SPOCK1: variants seen among roughly 807,000 people sequenced by gnomAD.
The protein encoded by SPOCK1 is SPARC (osteonectin), cwcv and kazal like domains proteoglycan 1, also known as testican-1.
Under a neutral mutation model 55.3 loss-of-function variants are expected in SPOCK1, and 23 were observed. The observed-to-expected ratio is 0.42, with a 90% CI of 0.30 to 0.59. SPOCK1 has a LOEUF of 0.59. Among genes scored for constraint, SPOCK1 ranks in the 20% least tolerant of loss-of-function variants. The probability of loss-of-function intolerance (pLI) is 0.22; values close to 1 mark genes in which losing one functional copy is unlikely to be tolerated. For synonymous variants in SPOCK1, 226 were observed against 221.0 expected (o/e 1.02, Z -0.20); for missense variants, 499 against 552.5 (o/e 0.90, Z 0.97).
intron 3 of SPOCK1, among the ~76,000 whole-genome samples, chr5:137,155,995 G>A (rs1754408218): frequency 6.6e-6 from 1 of 152,192 alleles, no homozygotes; most frequent in Non-Finnish European, 1.5e-5. Flanking sequence ...ACTCTAAACG[G>A]CAAGTTGAAA....
At chr5:137,091,381 C>G (rs887085775) in intron 5 of SPOCK1, among the ~76,000 whole-genome samples, 3 of 152,178 alleles carry the variant, frequency 2.0e-5, no homozygotes, top group Non-Finnish European at 2.9e-5. Flanking sequence ...ATAAAACCCT[C>G]GCTGTAGATG....
rs148909866 is a variant in SPOCK1, at chr5:137,197,352, T to G, written c.233-56658A>C. Among the ~76,000 whole-genome samples, 59 of 152,206 alleles carry G rather than the reference T, an allele frequency of 3.9e-4. 1 individual carries two copies. The highest frequency in any genetic ancestry group is 7.9e-4 in the Non-Finnish European group (54 of 68,004). ...GGGATGAGGGAGCAGAACTATGAAT[T>G]CTGCTTTGAAAGGAAGCAGAACTAT... is the stretch of plus-strand genomic sequence containing the variant. On this transcript the variant is annotated intron_variant, in intron 3 of 10. Transcript: ENST00000394945.
At chr5:137,235,058 T>C (rs555078400) in intron 3 of SPOCK1, among the ~76,000 whole-genome samples, 34 of 152,306 alleles carry the variant, frequency 2.2e-4, no homozygotes, top group African/African-American at 6.5e-4. Flanking sequence ...GTCTGCTCCT[T>C]CTAGTAGGCA....
intron 6 of SPOCK1, among the ~76,000 whole-genome samples, chr5:137,030,518 T>C (rs1580715601): frequency 1.3e-5 from 2 of 152,216 alleles, no homozygotes; most frequent in East Asian, 3.9e-4. Flanking sequence ...ATCAAAGCAA[T>C]ACAAATTAAA....
intron 2 of SPOCK1, among the ~76,000 whole-genome samples, chr5:137,432,606 TG>T (rs1752772932): frequency 6.6e-6 from 1 of 152,088 alleles, no homozygotes; most frequent in Admixed American, 6.6e-5. Context: ...TGCCTGGGGC[TG>T]GGAGAAAAGG....
intron 2 of SPOCK1, among the ~76,000 whole-genome samples, chr5:137,338,904 G>GCCCT (rs1750351526): frequency 6.6e-6 from 1 of 152,184 alleles, no homozygotes; most frequent in Non-Finnish European, 1.5e-5. Context: ...TTATTTCAAA[G>GCCCT]ATTAAGTCAA....
chr5:137,330,734 A>G (rs1758161023), intron 2 of SPOCK1, among the ~76,000 whole-genome samples: 1 of 152,220 alleles, frequency 6.6e-6, no homozygotes, highest in South Asian at 2.1e-4. Context: ...TTTGCCAGGA[A>G]GGAGTTGTGT....
chr5:137,379,816 C>T (rs1034633624), intron 2 of SPOCK1, among the ~76,000 whole-genome samples: 1 of 152,252 alleles, frequency 6.6e-6, no homozygotes, highest in South Asian at 2.1e-4. Flanking sequence ...GTGAGTGGGG[C>T]TTAAAACTAT....
At chr5:137,108,234 T>C (rs1303415793) in intron 5 of SPOCK1, among the ~76,000 whole-genome samples, 2 of 152,190 alleles carry the variant, frequency 1.3e-5, no homozygotes, top group Non-Finnish European at 2.9e-5. Flanking sequence ...AACACTCCAG[T>C]AGTAAATCCA....
At chr5:137,419,407 A>T (rs1329256143) in intron 2 of SPOCK1, among the ~76,000 whole-genome samples, 3 of 152,066 alleles carry the variant, frequency 2.0e-5, no homozygotes, top group Non-Finnish European at 4.4e-5. Context: ...GGCCATTTTC[A>T]CGATATTGAT....
rs970289415 is a variant in SPOCK1, at chr5:137,202,953, A to G, written c.233-62259T>C. Among the ~76,000 whole-genome samples the G allele has an allele frequency of 1.4e-4, 22 of 152,344 alleles. 2 individuals are homozygous for G. Among genetic ancestry groups the G allele is most frequent in the Admixed American group, 1.1e-3 (17 of 15,310 alleles). Reference sequence around the variant, plus strand: ...TCACGTCCTTGTTGCATTCTAATCAACAAATCAAAGCACTCGACTAATTAA... The same window carrying G: ...TCACGTCCTTGTTGCATTCTAATCAGCAAATCAAAGCACTCGACTAATTAA... On this transcript the variant is annotated intron_variant, in intron 3 of 10. Coordinates refer to ENST00000394945, the MANE Select transcript of SPOCK1 (RefSeq NM_004598.4).
chr5:137,183,747 G>A lies in SPOCK1; in HGVS notation c.233-43053C>T, dbSNP rs558041492. 5.3e-5 allele frequency among the ~76,000 whole-genome samples: 8 copies of A among 152,288 alleles called. No homozygotes were observed. In the East Asian group the frequency reaches 1.4e-3, roughly 26 times the overall value. Reference sequence around the variant, plus strand: ...GCTGTGAGTCCAGTTTCCAGCCCTCGCTGGCTGTGTAGACGTTGGCAAGTT... The same window carrying A: ...GCTGTGAGTCCAGTTTCCAGCCCTCACTGGCTGTGTAGACGTTGGCAAGTT... On this transcript the variant is annotated intron_variant, in intron 3 of 10. Transcript: ENST00000394945.
At chr5:136,990,546 AC>A (rs886600518) in intron 7 of SPOCK1, among the ~76,000 whole-genome samples, 1 of 147,088 alleles carries the variant, frequency 6.8e-6, no homozygotes, top group Non-Finnish European at 1.5e-5. Context: ...TAAAATACCC[AC>A]CCCCCTCTTT....
chr5:137,388,543 C>T (rs1030551359), intron 2 of SPOCK1, among the ~76,000 whole-genome samples: 3 of 152,112 alleles, frequency 2.0e-5, no homozygotes, highest in South Asian at 2.1e-4. Context: ...CATCTCCTGC[C>T]CTTGAAGGAC....
intron 2 of SPOCK1, among the ~76,000 whole-genome samples, chr5:137,390,040 C>T (rs987872835): frequency 4.6e-5 from 7 of 152,168 alleles, no homozygotes; most frequent in African/African-American, 1.7e-4. Flanking sequence ...CAGAACTTCA[C>T]ATTCTTTCTT....
chr5:137,229,368 G>T (rs1418742348), intron 3 of SPOCK1, among the ~76,000 whole-genome samples: 1 of 152,098 alleles, frequency 6.6e-6, no homozygotes, highest in Non-Finnish European at 1.5e-5. Context: ...GCTAAAAGGG[G>T]GGCTGGTCTC....
At chr5:137,403,372 T>C (rs972413502) in intron 2 of SPOCK1, among the ~76,000 whole-genome samples, 3 of 152,128 alleles carry the variant, frequency 2.0e-5, no homozygotes, top group African/African-American at 7.2e-5. Context: ...CACATATTTA[T>C]TAATAGCCAC....
intron 2 of SPOCK1, among the ~76,000 whole-genome samples, chr5:137,322,710 C>CAA (rs142049931): frequency 1.4e-5 from 2 of 143,416 alleles, no homozygotes; most frequent in African/African-American, 5.1e-5. Context: ...ATATCCTTAC[C>CAA]AAAAAAAAAA....
intron 2 of SPOCK1, among the ~76,000 whole-genome samples, chr5:137,321,867 CAAAAAGAAAAA>C (rs554882897): frequency 3.3e-4 from 48 of 146,690 alleles, no homozygotes; most frequent in Admixed American, 7.5e-4. Flanking sequence ...GAGACTCTGT[CAAAAAGAAAAA>C]AAAAAGAAAA....
Sources: allele counts gnomAD v4.1 joint callset (sites outside exome capture counted in the v4.1 genomes callset), GRCh38; gene constraint gnomAD v4.1.1; transcripts MANE v1.5; gene names NCBI Gene and HGNC (gene_info 2026-07-23, HGNC 2026-07-21).